SLC7A9: variants seen among roughly 807,000 people sequenced by gnomAD.
SLC7A9 encodes the protein solute carrier family 7 member 9, also known as B(0,+)-type amino acid transporter 1.
SLC7A9 carries 38 observed loss-of-function variants against 54.1 expected under a neutral mutation model. That is an observed-to-expected ratio of 0.70 (90% CI 0.54 to 0.92). The LOEUF (loss-of-function observed/expected upper bound fraction) is 0.92, where lower values mean the gene tolerates loss of function less well. SLC7A9 is among the 40% of genes least tolerant of loss of function. SLC7A9 has a pLI of 0.00. For missense variants in SLC7A9, 537 were observed against 636.1 expected, an observed-to-expected ratio of 0.84 and a Z score of 1.68; for synonymous variants, 264 against 258.9, an observed-to-expected ratio of 1.02 and a Z score of -0.19.
intron 9 of SLC7A9, among the ~76,000 whole-genome samples, chr19:32,856,591 A>T (rs1968635011): frequency 6.6e-6 from 1 of 151,878 alleles, no homozygotes; most frequent in African/African-American, 2.4e-5. Context: ...ACTGTACCAC[A>T]TACATATATG....
intron 9 of SLC7A9, 148 bp downstream of exon 9, chr19:32,858,292 T>A: frequency 1.5e-6 from 1 of 671,694 alleles, no homozygotes; most frequent in South Asian, 1.6e-5. Context: ...TCAAGCTACA[T>A]CCCTTCTCTG....
chr19:32,853,062 C>T lies in SLC7A9; in HGVS notation c.977+5378G>A, dbSNP rs150815267. Among the ~76,000 whole-genome samples, 1,011 of 152,058 alleles carry T rather than the reference C, an allele frequency of 6.6e-3. 8 individuals are homozygous for T. The highest frequency in any genetic ancestry group is 0.02 in the African/African-American group (827 of 41,480). ...CTGAGTAGCTGGGATTATAGGCGCC[C>T]ACCACGTCCGGCTAATTTTTGTACT... On this transcript the variant is annotated intron_variant, in intron 9 of 12. Transcript: ENST00000023064.
chr19:32,839,447 G>A (rs1199295915), intron 11 of SLC7A9, among the ~76,000 whole-genome samples: 1 of 151,090 alleles, frequency 6.6e-6, no homozygotes, highest in African/African-American at 2.4e-5. Context: ...CAGCTACTTA[G>A]AAGGCTGACA....
At chr19:32,857,977 C>A (rs933921320) in intron 9 of SLC7A9, among the ~76,000 whole-genome samples, 2 of 152,116 alleles carry the variant, frequency 1.3e-5, no homozygotes, top group African/African-American at 4.8e-5. Context: ...GGAAAGTTAG[C>A]CAATTCTGGG....
intron 3 of SLC7A9, 50 bp downstream of exon 3, chr19:32,864,579 C>T (rs372403462): frequency 2.2e-5 from 36 of 1,606,326 alleles, no homozygotes; most frequent in Non-Finnish European, 2.7e-5. Context: ...AGCTGCCTGG[C>T]GTGCCCCTGC....
At chr19:32,842,060 A>G (rs889873781) in intron 11 of SLC7A9, 108 bp downstream of exon 11, 2 of 1,081,398 alleles carry the variant, frequency 1.8e-6, no homozygotes, top group Non-Finnish European at 2.8e-6. Flanking sequence ...ATTTTAAAAG[A>G]GTCAAGTCAG....
intron 11 of SLC7A9, among the ~76,000 whole-genome samples, chr19:32,840,702 A>G (rs1968103182): frequency 6.6e-6 from 1 of 151,852 alleles, no homozygotes; most frequent in Non-Finnish European, 1.5e-5. Context: ...ATCCTTCTGG[A>G]AAGGAGTTTT....
intron 9 of SLC7A9, among the ~76,000 whole-genome samples, chr19:32,852,465 G>A (rs1343435390): frequency 6.6e-6 from 1 of 152,118 alleles, no homozygotes; most frequent in East Asian, 1.9e-4. Context: ...CCACACTCCA[G>A]CCTGGGCGAC....
At chr19:32,845,806 G>A (rs1018776202) in intron 9 of SLC7A9, among the ~76,000 whole-genome samples, 4 of 152,122 alleles carry the variant, frequency 2.6e-5, no homozygotes, top group Middle Eastern at 3.4e-3. Flanking sequence ...TCAGGAGTTC[G>A]AGACCAGCCT....
chr19:32,833,012 C>T, intron 12 of SLC7A9, 137 bp downstream of exon 12: 5 of 851,674 alleles, frequency 5.9e-6, no homozygotes, highest in South Asian at 5.4e-5. Context: ...AGGGCGTGGG[C>T]ATGTGTCCTC....
chr19:32,864,697 A>G lies in SLC7A9; in HGVS notation c.167T>C (p.Leu56Pro). The G allele has an allele frequency of 6.2e-7, 1 of 1,614,168 alleles. No individual in the cohort carries two copies. The highest frequency in any genetic ancestry group is 8.5e-7 in the Non-Finnish European group (1 of 1,180,024). The change falls in exon 3 of 13, where the codon CTC becomes CCC. Residue 56 changes from leucine (L) to proline (P), a missense_variant. By Grantham distance (98) the Leu-to-Pro change is moderately conservative. Transcript: ENST00000023064. Reference sequence around the variant, plus strand: ...GGGCCCCACAGCTTCCGTGTTGCTGAGCACAGACTTGGGGGAAACGAAGAT... The same window carrying G: ...GGGCCCCACAGCTTCCGTGTTGCTGGGCACAGACTTGGGGGAAACGAAGAT... The part of the protein sequence containing the change: ...SGIFVSPKSV[L>P]SNTEAVGPCL...
chr19:32,840,736 A>G (rs1968104374), intron 11 of SLC7A9, among the ~76,000 whole-genome samples: 1 of 151,988 alleles, frequency 6.6e-6, no homozygotes, highest in African/African-American at 2.4e-5. Context: ...TGGGATCCTC[A>G]AGGGCTTAAG....
In SLC7A9 at chr19:32,862,553, C is replaced by T. The variant is rs376464389; in HGVS notation, c.512G>A (p.Arg171Gln). 3.3e-5 allele frequency: 53 copies of T among 1,613,964 alleles called. No individual in the cohort carries two copies. Among genetic ancestry groups the T allele is most frequent in the Admixed American group, 1.2e-4 (7 of 60,018 alleles). ...FISTVNSLSVRLGSYVQNIFT... is the reference protein window; with the variant it reads ...FISTVNSLSVQLGSYVQNIFT... ...GATGTTCTGGACGTAGCTTCCCAGC[C>T]GCACGCTCAGTGAGTTCACTGTCGA... The change falls in exon 5 of 13, where the codon CGG becomes CAG. Residue 171 changes from arginine (R) to glutamine (Q), a missense_variant. Coordinates refer to ENST00000023064, the MANE Select transcript of SLC7A9 (RefSeq NM_014270.5).
intron 11 of SLC7A9, among the ~76,000 whole-genome samples, chr19:32,841,726 G>A (rs1599658001): frequency 2.6e-5 from 4 of 152,276 alleles, no homozygotes; most frequent in African/African-American, 2.4e-5. Context: ...GGCCAACATG[G>A]TAAAACCCCA....
intron 8 of SLC7A9, 62 bp from the exon 9 acceptor site, chr19:32,858,605 C>G (rs1402943682): frequency 7.2e-7 from 1 of 1,382,540 alleles, no homozygotes; most frequent in Admixed American, 1.9e-5. Context: ...CGGCCGGCCC[C>G]CAAAAGCTAT....
chr19:32,863,785 G>T (rs1968876990), intron 4 of SLC7A9, among the ~76,000 whole-genome samples: 1 of 152,178 alleles, frequency 6.6e-6, no homozygotes, highest in Non-Finnish European at 1.5e-5. Context: ...GCCTCAGATG[G>T]CGAAAAATTA....
At chr19:32,837,811 T>A (rs2145802141) in intron 11 of SLC7A9, among the ~76,000 whole-genome samples, 1 of 152,350 alleles carries the variant, frequency 6.6e-6, no homozygotes, top group South Asian at 2.1e-4. Flanking sequence ...ACACATTTTG[T>A]CAAAAGTTTA....
chr19:32,869,059 A>C (rs1233104836), intron 1 of SLC7A9, among the ~76,000 whole-genome samples: 1 of 151,028 alleles, frequency 6.6e-6, no homozygotes, highest in Non-Finnish European at 1.5e-5. Context: ...AATGCAAAAA[A>C]AAAAAAAAAA....
chr19:32,843,046 C>T (rs1968173850), intron 10 of SLC7A9, among the ~76,000 whole-genome samples: 2 of 151,978 alleles, frequency 1.3e-5, no homozygotes, highest in South Asian at 2.1e-4. Flanking sequence ...TAGTGGTTCT[C>T]CTCTGGGGGA....
Sources: gnomAD v4.1 joint callset for allele counts (sites outside exome capture counted in the v4.1 genomes callset) on GRCh38, gnomAD v4.1.1 for gene constraint, MANE v1.5 for transcripts, NCBI Gene and HGNC (gene_info 2026-07-23, HGNC 2026-07-21) for gene names.